The following HS6ST3 variants were observed in gnomAD, a reference collection of about 807,000 sequenced individuals.
HS6ST3 encodes the protein heparan-sulfate 6-O-sulfotransferase 3.
A neutral mutation model predicts 36.7 loss-of-function variants in HS6ST3; 12 were observed. The ratio of observed to expected loss-of-function variants is 0.33; its 90% CI spans 0.21 to 0.53. The LOEUF (loss-of-function observed/expected upper bound fraction) is 0.53. HS6ST3 is among the 20% of genes least tolerant of loss of function. HS6ST3 has a pLI of 0.95. For missense variants in HS6ST3, 584 were observed against 640.9 expected (o/e 0.91, Z 0.96); for synonymous variants, 240 against 257.5 (o/e 0.93, Z 0.65).
intron 1 of HS6ST3, among the ~76,000 whole-genome samples, chr13:96,142,965 AT>A (rs2139318478): frequency 6.6e-6 from 1 of 152,254 alleles, no homozygotes; most frequent in Non-Finnish European, 1.5e-5. Context: ...GTATTTAAAA[AT>A]AAATGAAATT....
At chr13:96,221,989 A>G (rs2054458087) in intron 1 of HS6ST3, among the ~76,000 whole-genome samples, 1 of 152,206 alleles carries the variant, frequency 6.6e-6, no homozygotes, top group African/African-American at 2.4e-5. Context: ...AAATTTTATA[A>G]TAGATTTTAG....
At chr13:96,554,335 A>G (rs1177235470) in intron 1 of HS6ST3, among the ~76,000 whole-genome samples, 1 of 152,190 alleles carries the variant, frequency 6.6e-6, no homozygotes, top group African/African-American at 2.4e-5. Context: ...ATCTATCTCT[A>G]TGTAAAAATG....
chr13:96,311,602 C>G (rs1011888200), intron 1 of HS6ST3, among the ~76,000 whole-genome samples: 1 of 152,214 alleles, frequency 6.6e-6, no homozygotes, highest in Non-Finnish European at 1.5e-5. Context: ...CATCCATACT[C>G]TGTCTTTTTA....
intron 1 of HS6ST3, among the ~76,000 whole-genome samples, chr13:96,746,943 GT>G (rs1876576297): frequency 6.6e-6 from 1 of 152,006 alleles, no homozygotes; most frequent in Admixed American, 6.6e-5. Context: ...GATATTTTTG[GT>G]TTGATGTCAG....
intron 1 of HS6ST3, among the ~76,000 whole-genome samples, chr13:96,348,896 T>C (rs959905092): frequency 2.0e-5 from 3 of 152,238 alleles, no homozygotes; most frequent in Admixed American, 6.5e-5. Context: ...ATGTGGCAGC[T>C]GAGTTTTACT....
chr13:96,606,574 GGAGGGAGAGAGGGAGGGACA>G (rs2056439311), intron 1 of HS6ST3, among the ~76,000 whole-genome samples: 2 of 143,348 alleles, frequency 1.4e-5, no homozygotes, highest in Non-Finnish European at 3.0e-5. Flanking sequence ...GACTGCTGGA[GGAGGGAGAGAGGGAGGGACA>G]GAGGGAGGGA....
chr13:96,816,830 A>G (rs1037942024), intron 1 of HS6ST3, among the ~76,000 whole-genome samples: 1 of 152,192 alleles, frequency 6.6e-6, no homozygotes, highest in Admixed American at 6.5e-5. Flanking sequence ...GGGTATTTGA[A>G]CTACTCTGAT....
chr13:96,234,174 C>G (rs1342461351), intron 1 of HS6ST3, among the ~76,000 whole-genome samples: 1 of 151,716 alleles, frequency 6.6e-6, no homozygotes, highest in Non-Finnish European at 1.5e-5. Context: ...CTTTGGGAGG[C>G]TGAGGCAGGC....
chr13:96,707,485 G>A (rs746789626), intron 1 of HS6ST3, among the ~76,000 whole-genome samples: 1 of 152,216 alleles, frequency 6.6e-6, no homozygotes, highest in Non-Finnish European at 1.5e-5. Context: ...CTCTAGAAAT[G>A]TATCAGTATC....
chr13:96,338,739 CCTT>C (rs2055114710), intron 1 of HS6ST3, among the ~76,000 whole-genome samples: 2 of 152,150 alleles, frequency 1.3e-5, no homozygotes, highest in African/African-American at 4.8e-5. Flanking sequence ...CTGTCTCTCT[CCTT>C]CTCTCTCTTT....
intron 1 of HS6ST3, among the ~76,000 whole-genome samples, chr13:96,278,023 G>A (rs1292755222): frequency 6.6e-6 from 1 of 152,138 alleles, no homozygotes; most frequent in East Asian, 1.9e-4. Context: ...TGAGGACTCC[G>A]TTAATACAGG....
chr13:96,736,696 T>C (rs1437877056), intron 1 of HS6ST3, among the ~76,000 whole-genome samples: 2 of 152,176 alleles, frequency 1.3e-5, no homozygotes, highest in South Asian at 2.1e-4. Context: ...ATTAATATAC[T>C]GGCCATACAT....
chr13:96,721,746 G>T (rs975195614), intron 1 of HS6ST3, among the ~76,000 whole-genome samples: 12 of 152,246 alleles, frequency 7.9e-5, no homozygotes, highest in African/African-American at 2.6e-4. Context: ...TGCATTGGCC[G>T]TATATTACAT....
chr13:96,357,020 C>T (rs1214218152), intron 1 of HS6ST3, among the ~76,000 whole-genome samples: 1 of 152,186 alleles, frequency 6.6e-6, no homozygotes, highest in Non-Finnish European at 1.5e-5. Flanking sequence ...TGGCCTCTTT[C>T]CTTAAACATG....
rs149717677 is a variant in HS6ST3, at chr13:96,150,113, G to A, written c.707+58544G>A. Among the ~76,000 whole-genome samples, 761 of 152,240 alleles carry A rather than the reference G, an allele frequency of 5.0e-3. 2 individuals carry two copies. The highest frequency in any genetic ancestry group is 0.013 in the Admixed American group (194 of 15,288). On this transcript the variant is annotated intron_variant, in intron 1 of 1. Coordinates refer to ENST00000376705, the MANE Select transcript of HS6ST3 (RefSeq NM_153456.4). Reference sequence around the variant, plus strand: ...TCCCACAACAAGAGGAATAAGGTACGTGGACACCGGAGAGTGAGTGAGGCA... The same window carrying A: ...TCCCACAACAAGAGGAATAAGGTACATGGACACCGGAGAGTGAGTGAGGCA...
At chr13:96,790,698 AAT>A (rs1472765852) in intron 1 of HS6ST3, among the ~76,000 whole-genome samples, 1 of 152,042 alleles carries the variant, frequency 6.6e-6, no homozygotes, top group Admixed American at 6.6e-5. Context: ...TCTGTTAAAA[AAT>A]AAGACTTTTT....
At chr13:96,367,248 T>C (rs2055267546) in intron 1 of HS6ST3, among the ~76,000 whole-genome samples, 1 of 152,194 alleles carries the variant, frequency 6.6e-6, no homozygotes, top group South Asian at 2.1e-4. Flanking sequence ...CTTAATTCTT[T>C]ATGGTAAAAC....
intron 1 of HS6ST3, among the ~76,000 whole-genome samples, chr13:96,756,615 A>C (rs1876838527): frequency 6.6e-6 from 1 of 152,222 alleles, no homozygotes; most frequent in African/African-American, 2.4e-5. Context: ...TTAACAAAAG[A>C]AAGTCTTTCA....
chr13:96,139,047 TA>T, intron 1 of HS6ST3, among the ~76,000 whole-genome samples: 1 of 152,302 alleles, frequency 6.6e-6, no homozygotes, highest in South Asian at 2.1e-4. Context: ...TTAGGCGATC[TA>T]AGTATACAGC....
Sources: allele counts gnomAD v4.1 joint callset (sites outside exome capture counted in the v4.1 genomes callset), GRCh38; gene constraint gnomAD v4.1.1; transcripts MANE v1.5; gene names NCBI Gene and HGNC (gene_info 2026-07-23, HGNC 2026-07-21).